Variants in ACOT7 observed in about 807,000 individuals in gnomAD.
ACOT7 encodes cytosolic acyl coenzyme A thioester hydrolase.
In ACOT7, 12 loss-of-function variants were observed where a neutral mutation model predicts 40.2. The ratio of observed to expected loss-of-function variants is 0.30; its 90% CI spans 0.19 to 0.48. The LOEUF is 0.48. Ranked by LOEUF, ACOT7 falls within the 20% of genes least tolerant of loss-of-function variation. The probability of loss-of-function intolerance (pLI) is 0.99; values close to 1 mark genes in which losing one functional copy is unlikely to be tolerated. For missense variants in ACOT7, 395 were observed against 530.8 expected, an observed-to-expected ratio of 0.74 and a Z score of 2.51; for synonymous variants, 228 against 219.5, an observed-to-expected ratio of 1.04 and a Z score of -0.34.
intron 1 of ACOT7, among the ~76,000 whole-genome samples, chr1:6,364,411 C>A (rs1055258599): frequency 2.0e-5 from 3 of 151,774 alleles, no homozygotes; most frequent in Non-Finnish European, 2.9e-5. Context: ...CGTGATGGTG[C>A]ATGCATGTAA....
Position 6,306,403 on chromosome 1 carries a change from T to C in ACOT7, c.713-11423A>G, listed in dbSNP as rs376766181. ...AGTGAGTTCCTGGGACAGGTGCCTA[T>C]AGGATGCTTGGACTGGAGTGATATG... is the stretch of plus-strand genomic sequence containing the variant. On this transcript the variant is annotated intron_variant, in intron 6 of 8. Coordinates refer to ENST00000361521, the MANE Select transcript of ACOT7 (RefSeq NM_007274.4). The surrounding 1 kb of genome is among the most constrained non-coding windows in gnomAD (Gnocchi z 4.3). The C allele has an allele frequency of 2.0e-6, 2 of 985,254 alleles. No homozygotes were observed. Among genetic ancestry groups the C allele is most frequent in the African/African-American group, 3.5e-5 (2 of 57,296 alleles). 61.0% of individuals were successfully genotyped at this position (985,254 alleles called of 1,614,324 possible). A position where few individuals can be genotyped will look rare whatever the true frequency, so the allele number is the denominator to read the frequency against.
In ACOT7 at chr1:6,358,748, C is replaced by T; in HGVS notation, c.144-8882G>A. 6.8e-6 allele frequency: 10 copies of T among 1,472,878 alleles called. No individual in the cohort carries two copies. The highest frequency in any genetic ancestry group is 2.3e-5 in the East Asian group (1 of 43,628). The allele number at this position is 1,472,878 out of a possible 1,614,324, so 91.2% of individuals were successfully genotyped here. ...AGGGGCCGAGTCCCCTCTACCCACC[C>T]TTCCCTTCCAAATGTCCCTAAACAA... On this transcript the variant is annotated intron_variant, in intron 1 of 8. Coordinates refer to ENST00000361521, the MANE Select transcript of ACOT7 (RefSeq NM_007274.4). The surrounding 1 kb of genome is among the most constrained non-coding windows in gnomAD (Gnocchi z 4.1).
At chr1:6,296,625 A>G (rs1639820822) in intron 6 of ACOT7, among the ~76,000 whole-genome samples, 1 of 152,048 alleles carries the variant, frequency 6.6e-6, no homozygotes, top group Non-Finnish European at 1.5e-5. Context: ...GGGTTTCACT[A>G]TGTTGTCCAG....
chr1:6,358,964 A>G lies in ACOT7; in HGVS notation c.144-9098T>C. On this transcript the variant is annotated intron_variant, in intron 1 of 8. Coordinates refer to ENST00000361521, the MANE Select transcript of ACOT7 (RefSeq NM_007274.4). This position sits in a 1 kb window ranked among gnomAD's most constrained non-coding sequence, Gnocchi z 4.1. Reference sequence around the variant, plus strand: ...CCCTGCCACACCGGGCTTGGTGGGGAGCACCCCCCACCCCCAGCTTCCTGA... The same window carrying G: ...CCCTGCCACACCGGGCTTGGTGGGGGGCACCCCCCACCCCCAGCTTCCTGA... The G allele has an allele frequency of 6.8e-7, 1 of 1,477,194 alleles. No individual in the cohort carries two copies. Among genetic ancestry groups the G allele is most frequent in the South Asian group, 1.3e-5 (1 of 74,200 alleles). 91.5% of individuals were successfully genotyped at this position (1,477,194 alleles called of 1,614,324 possible). A position where few individuals can be genotyped will look rare whatever the true frequency, so the allele number is the denominator to read the frequency against.
chr1:6,347,986 C>G (rs756544484), intron 2 of ACOT7, among the ~76,000 whole-genome samples: 5 of 152,092 alleles, frequency 3.3e-5, no homozygotes, highest in Non-Finnish European at 7.4e-5. Flanking sequence ...CTTTTCCTTC[C>G]CTGTGTCCAT....
Position 6,359,092 on chromosome 1 carries a change from T to A in ACOT7, c.144-9226A>T. ...GCTTTATAAATAATTACAGAAGAAG[T>A]AATTCTGTGAGCTCTTCTGGCTGCC... On this transcript the variant is annotated intron_variant, in intron 1 of 8. Transcript: ENST00000361521. This position sits in a 1 kb window ranked among gnomAD's most constrained non-coding sequence, Gnocchi z 4.1. The A allele has an allele frequency of 2.1e-6, 1 of 466,702 alleles. No individual in the cohort carries two copies. Among genetic ancestry groups the A allele is most frequent in the Non-Finnish European group, 3.8e-6 (1 of 265,182 alleles). 28.9% of individuals were successfully genotyped at this position (466,702 alleles called of 1,614,324 possible).
chr1:6,267,925 CG>C (rs540924549), intron 8 of ACOT7, among the ~76,000 whole-genome samples: 33 of 152,140 alleles, frequency 2.2e-4, no homozygotes, highest in Non-Finnish European at 3.8e-4. Flanking sequence ...AGCAGAGTTG[CG>C]GGGACCAAAT....
At position 6,331,553 on chromosome 1, in the gene ACOT7, T is replaced by C. The variant is rs193157341; in HGVS notation, c.510+1924A>G. 1.4e-4 allele frequency among the ~76,000 whole-genome samples: 22 copies of C among 152,278 alleles called. No homozygotes were observed. In the East Asian group the frequency reaches 4.3e-3, roughly 29 times the overall value. On this transcript the variant is annotated intron_variant, in intron 4 of 8. Transcript: ENST00000361521. ...TATTGTTTGAGAGCTACCCAGTCAG[T>C]GGCACTTTGTCACAGCAGCCCCGGG...
chr1:6,387,125 T>G (rs1172214354), intron 1 of ACOT7, among the ~76,000 whole-genome samples: 1 of 151,936 alleles, frequency 6.6e-6, no homozygotes, highest in Non-Finnish European at 1.5e-5. Context: ...GACACGAAAT[T>G]CTAGAAGAGG....
In ACOT7 at chr1:6,306,621, G is replaced by A. The variant is rs1640164324; in HGVS notation, c.713-11641C>T. On this transcript the variant is annotated intron_variant, in intron 6 of 8. Coordinates refer to ENST00000361521, the MANE Select transcript of ACOT7 (RefSeq NM_007274.4). This position sits in a 1 kb window ranked among gnomAD's most constrained non-coding sequence, Gnocchi z 4.3. Reference sequence around the variant, plus strand: ...GGCGAGTACTAGAAGGAATTTAACTGCAGCCTGTGCCACTCAGCTTCACGA... The same window carrying A: ...GGCGAGTACTAGAAGGAATTTAACTACAGCCTGTGCCACTCAGCTTCACGA... 1.0e-6 allele frequency: 1 copy of A among 985,420 alleles called. No homozygotes were observed. Among genetic ancestry groups the A allele is most frequent in the Non-Finnish European group, 1.2e-6 (1 of 829,922 alleles). 61.0% of individuals were successfully genotyped at this position (985,420 alleles called of 1,614,324 possible).
chr1:6,285,059 T>C (rs189361026), intron 7 of ACOT7, among the ~76,000 whole-genome samples: 55 of 152,306 alleles, frequency 3.6e-4, no homozygotes, highest in African/African-American at 1.3e-3. Context: ...TCTATTTCAC[T>C]GTTGTCTGTC....
chr1:6,328,266 T>C (rs918407938), intron 4 of ACOT7, among the ~76,000 whole-genome samples: 1 of 152,120 alleles, frequency 6.6e-6, no homozygotes, highest in African/African-American at 2.4e-5. Flanking sequence ...GGTTATATAT[T>C]GGTAGAGAAT....
chr1:6,387,523 C>T (rs535582985), intron 1 of ACOT7, among the ~76,000 whole-genome samples: 2 of 152,168 alleles, frequency 1.3e-5, no homozygotes, highest in African/African-American at 4.8e-5. Flanking sequence ...ATGCAGGGGT[C>T]CAAGGATGGG....
chr1:6,281,050 C>A, intron 8 of ACOT7, 52 bp downstream of exon 8: 1 of 1,581,832 alleles, frequency 6.3e-7, no homozygotes, highest in African/African-American at 1.3e-5. Flanking sequence ...AACACAGGGA[C>A]CCTAGGGCTG....
Position 6,288,689 on chromosome 1 carries a change from T to C in ACOT7, c.829+6175A>G, listed in dbSNP as rs956970314. ...ATCCTGGAAGAGTCTGGTTCATAAA[T>C]GCCAAATTTGCAGCCAACAGAGCTG... On this transcript the variant is annotated intron_variant, in intron 7 of 8. Transcript: ENST00000361521. The surrounding 1 kb of genome is among the most constrained non-coding windows in gnomAD (Gnocchi z 4.3). Among the ~76,000 whole-genome samples, 2 of 152,266 alleles carry C rather than the reference T, an allele frequency of 1.3e-5. No homozygotes were observed. Among genetic ancestry groups the C allele is most frequent in the South Asian group, 2.1e-4 (1 of 4,826 alleles).
chr1:6,274,635 G>C lies in ACOT7; in HGVS notation c.1014+6467C>G, dbSNP rs1190018591. On this transcript the variant is annotated intron_variant, in intron 8 of 8. Transcript: ENST00000361521. This position sits in a 1 kb window ranked among gnomAD's most constrained non-coding sequence, Gnocchi z 5.9. ...TGAAAGTTGTGTGGGTCTGTGCTGAGGCCACGCCTCACATAAGGCCCCAGC... is the reference window on the plus strand; with the variant it reads ...TGAAAGTTGTGTGGGTCTGTGCTGACGCCACGCCTCACATAAGGCCCCAGC... Among the ~76,000 whole-genome samples the C allele has an allele frequency of 6.6e-6, 1 of 152,180 alleles. No individual in the cohort carries two copies. Among genetic ancestry groups the C allele is most frequent in the African/African-American group, 2.4e-5 (1 of 41,444 alleles).
chr1:6,363,654 C>A (rs530811960), intron 1 of ACOT7, among the ~76,000 whole-genome samples: 89 of 152,260 alleles, frequency 5.8e-4, no homozygotes, highest in South Asian at 1.5e-3. Flanking sequence ...CAGGGAAGGG[C>A]CCCCTGTCCA....
At chr1:6,285,168 C>G (rs995073335) in intron 7 of ACOT7, among the ~76,000 whole-genome samples, 3 of 152,170 alleles carry the variant, frequency 2.0e-5, no homozygotes, top group East Asian at 1.9e-4. Context: ...TGGGGACCCA[C>G]GAGGGCTGGG....
At chr1:6,346,125 G>A (rs1641414417) in intron 2 of ACOT7, among the ~76,000 whole-genome samples, 1 of 152,228 alleles carries the variant, frequency 6.6e-6, no homozygotes, top group South Asian at 2.1e-4. Context: ...TGTAGAAACA[G>A]GGTCTCACTC....
Sources: allele counts gnomAD v4.1 joint callset (sites outside exome capture counted in the v4.1 genomes callset), GRCh38; gene constraint gnomAD v4.1.1; non-coding constraint Gnocchi (gnomAD v3.1); transcripts MANE v1.5; gene names NCBI Gene and HGNC (gene_info 2026-07-23, HGNC 2026-07-21).